RNLS: variants seen among roughly 807,000 people sequenced by gnomAD.
RNLS encodes the protein renalase.
RNLS carries 39 observed loss-of-function variants against 39.8 expected under a neutral mutation model. The ratio of observed to expected loss-of-function variants is 0.98; its 90% CI spans 0.76 to 1.28. RNLS has a LOEUF of 1.28. RNLS is among the 50% of genes most tolerant of loss of function. The pLI is 0.00. For synonymous variants in RNLS, 147 were observed against 150.7 expected, an observed-to-expected ratio of 0.98 and a Z score of 0.18; for missense variants, 410 against 413.3, an observed-to-expected ratio of 0.99 and a Z score of 0.07.
chr10:88,312,046 G>GT (rs1175621680), intron 6 of RNLS, among the ~76,000 whole-genome samples: 1 of 152,208 alleles, frequency 6.6e-6, no homozygotes, highest in African/African-American at 2.4e-5. Context: ...AGAAAGGAGG[G>GT]TGTGGCAGGC....
At chr10:88,290,919 AG>A (rs1843626798) in intron 6 of RNLS, among the ~76,000 whole-genome samples, 1 of 152,332 alleles carries the variant, frequency 6.6e-6, no homozygotes, top group Admixed American at 6.5e-5. Context: ...TGGGAAAGAA[AG>A]GTTTTCAGAC....
intron 6 of RNLS, among the ~76,000 whole-genome samples, chr10:88,305,829 C>G (rs570418463): frequency 7.9e-5 from 12 of 152,276 alleles, no homozygotes; most frequent in African/African-American, 2.4e-4. Context: ...TCAAATGGAG[C>G]TGATAGATAT....
At chr10:88,539,866 A>C (rs1247486224) in intron 4 of RNLS, among the ~76,000 whole-genome samples, 1 of 152,096 alleles carries the variant, frequency 6.6e-6, no homozygotes, top group Non-Finnish European at 1.5e-5. Flanking sequence ...CTAATTTTTC[A>C]ATATTCACCT....
At chr10:88,177,300 C>G in the RNLS span, among the ~76,000 whole-genome samples, 2 of 152,098 alleles carry the variant, frequency 1.3e-5, no homozygotes, top group Non-Finnish European at 2.9e-5. Context: ...TTTTGTCTGA[C>G]TGGGTTATTT....
At chr10:88,443,367 A>C (rs1433608410) in intron 4 of RNLS, among the ~76,000 whole-genome samples, 1 of 152,224 alleles carries the variant, frequency 6.6e-6, no homozygotes, top group Non-Finnish European at 1.5e-5. Context: ...GAACAGCTCC[A>C]GTCTACAGCT....
At chr10:88,444,930 C>A (rs925005817) in intron 4 of RNLS, among the ~76,000 whole-genome samples, 2 of 152,172 alleles carry the variant, frequency 1.3e-5, no homozygotes, top group Non-Finnish European at 2.9e-5. Flanking sequence ...CCCAACCTAG[C>A]AAGGCAGGCC....
the RNLS span, among the ~76,000 whole-genome samples, chr10:88,175,451 T>C: frequency 6.6e-6 from 1 of 152,196 alleles, no homozygotes; most frequent in Non-Finnish European, 1.5e-5. Flanking sequence ...GTTTCTATTC[T>C]CATTGTTTCA....
chr10:88,192,364 G>T, the RNLS span, among the ~76,000 whole-genome samples: 1 of 152,058 alleles, frequency 6.6e-6, no homozygotes, highest in Non-Finnish European at 1.5e-5. Flanking sequence ...AAATATCTAA[G>T]TACCCATGAA....
Position 88,341,751 on chromosome 10 carries a change from T to A in RNLS, c.700+20801A>T, listed in dbSNP as rs559865872. Among the ~76,000 whole-genome samples, 5 of 152,198 alleles carry A rather than the reference T, an allele frequency of 3.3e-5. No individual in the cohort carries two copies. In the South Asian group the frequency reaches 1.0e-3, roughly 32 times the overall value. On this transcript the variant is annotated intron_variant, in intron 5 of 6. Coordinates refer to ENST00000331772, the MANE Select transcript of RNLS (RefSeq NM_001031709.3). ...GAAGACACCCAGGTTTACTACCAAG[T>A]GAGATGCTAGCTTAAATGTACTAAA...
chr10:88,379,305 A>C (rs1047555772), intron 4 of RNLS, among the ~76,000 whole-genome samples: 1 of 152,252 alleles, frequency 6.6e-6, no homozygotes, highest in African/African-American at 2.4e-5. Context: ...CAGAGTGTAC[A>C]AAATAAATAC....
chr10:88,395,432 T>C (rs968567154), intron 4 of RNLS, among the ~76,000 whole-genome samples: 1 of 151,810 alleles, frequency 6.6e-6, no homozygotes, highest in African/African-American at 2.4e-5. Flanking sequence ...AAACAGAAAT[T>C]CTGGAATTGA....
intron 5 of RNLS, among the ~76,000 whole-genome samples, chr10:88,345,160 G>A (rs978181978): frequency 1.3e-5 from 2 of 152,104 alleles, no homozygotes; most frequent in Non-Finnish European, 2.9e-5. Flanking sequence ...AGATGGATTG[G>A]TGATTCTGAA....
chr10:88,466,618 G>C (rs1363386808), intron 4 of RNLS, among the ~76,000 whole-genome samples: 1 of 152,066 alleles, frequency 6.6e-6, no homozygotes, highest in African/African-American at 2.4e-5. Context: ...TATCTTCAAA[G>C]AATGGAACTG....
the RNLS span, among the ~76,000 whole-genome samples, chr10:88,194,718 A>G: frequency 1.3e-5 from 2 of 152,216 alleles, no homozygotes. Flanking sequence ...GGTCTACTGT[A>G]TTGAAATCTG....
At chr10:88,285,606 A>T in intron 6 of RNLS, 100 bp from the exon 7 acceptor site, 6 of 1,008,184 alleles carry the variant, frequency 6.0e-6, no homozygotes, top group Non-Finnish European at 8.8e-6. Context: ...GGAGAAATCA[A>T]GATTTCTCAC....
At chr10:88,308,334 A>G (rs1247377427) in intron 6 of RNLS, among the ~76,000 whole-genome samples, 1 of 152,226 alleles carries the variant, frequency 6.6e-6, no homozygotes, top group East Asian at 1.9e-4. Context: ...AACTAACAAC[A>G]GAGTGAACAG....
chr10:88,351,662 G>A (rs572692881), intron 5 of RNLS, among the ~76,000 whole-genome samples: 17 of 152,270 alleles, frequency 1.1e-4, no homozygotes, highest in Admixed American at 9.2e-4. Context: ...GTCAGGTAGC[G>A]TGATGCCTCC....
At chr10:88,229,271 T>C in the RNLS span, among the ~76,000 whole-genome samples, 2 of 152,202 alleles carry the variant, frequency 1.3e-5, no homozygotes, top group African/African-American at 2.4e-5. Context: ...TAGTGAGAAG[T>C]TGAGGTGCTT....
the RNLS span, among the ~76,000 whole-genome samples, chr10:88,212,884 TCTGTTTTTTAAACAGTTC>T: frequency 6.6e-6 from 1 of 152,232 alleles, no homozygotes; most frequent in Non-Finnish European, 1.5e-5. Flanking sequence ...TTAATCCTGC[TCTGTTTTTTAAACAGTTC>T]CTGATATTTG....
Sources: gnomAD v4.1 joint callset for allele counts (sites outside exome capture counted in the v4.1 genomes callset) on GRCh38, gnomAD v4.1.1 for gene constraint, MANE v1.5 for transcripts, NCBI Gene and HGNC (gene_info 2026-07-23, HGNC 2026-07-21) for gene names.